PSD3: variants seen among roughly 807,000 people sequenced by gnomAD.
The protein encoded by PSD3 is PH and SEC7 domain-containing protein 3.
In PSD3, 49 loss-of-function variants were observed where a neutral mutation model predicts 105.5. The observed-to-expected ratio is 0.46, with a 90% CI of 0.37 to 0.59. PSD3 has a LOEUF of 0.59. Among genes scored for constraint, PSD3 ranks in the 20% least tolerant of loss-of-function variants. The pLI, the probability that PSD3 is intolerant of heterozygous loss-of-function variation, is 0.00. For synonymous variants in PSD3, 557 were observed against 457.8 expected (o/e 1.22, Z -2.77); for missense variants, 1,561 against 1,263.8 (o/e 1.24, Z -3.57).
chr8:18,958,187 T>C lies in PSD3; in HGVS notation c.22-22045A>G, dbSNP rs533613026. Reference sequence around the variant, plus strand: ...AAAGAATGAGAAAAACCTTGTGTGCTACACTGAAACTACCGCCAAGATATA... The same window carrying C: ...AAAGAATGAGAAAAACCTTGTGTGCCACACTGAAACTACCGCCAAGATATA... On this transcript the variant is annotated intron_variant, in intron 1 of 15. Transcript: ENST00000327040. 1.4e-4 allele frequency among the ~76,000 whole-genome samples: 22 copies of C among 152,326 alleles called. No homozygotes were observed. In the East Asian group the frequency reaches 3.9e-3, roughly 27 times the overall value.
At chr8:19,029,607 A>G (rs186345356) in intron 1 of PSD3, among the ~76,000 whole-genome samples, 236 of 152,288 alleles carry the variant, frequency 1.5e-3, no homozygotes, top group African/African-American at 5.2e-3. Flanking sequence ...AGAACTCAGT[A>G]TCAAGAGAAC....
At chr8:18,974,870 G>GTGCTAATTACACTGC in intron 1 of PSD3, among the ~76,000 whole-genome samples, 1 of 152,022 alleles carries the variant, frequency 6.6e-6, no homozygotes, top group South Asian at 2.1e-4. Context: ...CTGGAGGAAA[G>GTGCTAATTACACTGC]GGTGGACCGC....
At chr8:18,746,083 G>T (rs1804991849) in intron 9 of PSD3, among the ~76,000 whole-genome samples, 2 of 152,216 alleles carry the variant, frequency 1.3e-5, no homozygotes, top group Non-Finnish European at 2.9e-5. Flanking sequence ...AACTGAGAGT[G>T]TCTTCCTGTC....
chr8:18,669,406 T>G (rs889154839), intron 9 of PSD3, among the ~76,000 whole-genome samples: 1 of 152,198 alleles, frequency 6.6e-6, no homozygotes, highest in African/African-American at 2.4e-5. Context: ...TAACAATAAC[T>G]AATAATAAAA....
intron 2 of PSD3, among the ~76,000 whole-genome samples, chr8:18,908,883 A>G (rs1820017692): frequency 1.3e-5 from 2 of 152,318 alleles, no homozygotes; most frequent in South Asian, 4.1e-4. Context: ...TCTAAATATG[A>G]GAATCAAAAC....
intron 9 of PSD3, 143 bp from the exon 10 acceptor site, chr8:18,655,828 A>G (rs1296944768): frequency 4.3e-6 from 3 of 703,584 alleles, no homozygotes; most frequent in Non-Finnish European, 7.3e-6. Flanking sequence ...AAAGGTGAAG[A>G]ATACATGGGG....
intron 9 of PSD3, among the ~76,000 whole-genome samples, chr8:18,670,037 G>A (rs1327214886): frequency 2.6e-5 from 4 of 152,112 alleles, no homozygotes; most frequent in Non-Finnish European, 4.4e-5. Flanking sequence ...AACAGATGAC[G>A]ATAATTCTGT....
chr8:18,560,426 A>C (rs1186801642), intron 14 of PSD3, among the ~76,000 whole-genome samples: 3 of 152,188 alleles, frequency 2.0e-5, no homozygotes, highest in African/African-American at 7.2e-5. Context: ...TACTGTTTTT[A>C]GAAGACAATA....
At chr8:18,882,758 C>T (rs1470857684) in intron 2 of PSD3, among the ~76,000 whole-genome samples, 1 of 151,790 alleles carries the variant, frequency 6.6e-6, no homozygotes, top group Non-Finnish European at 1.5e-5. Context: ...CTTAGTGCTC[C>T]ATACCATATA....
intron 9 of PSD3, among the ~76,000 whole-genome samples, chr8:18,757,850 T>C (rs1273207265): frequency 6.6e-6 from 1 of 152,214 alleles, no homozygotes; most frequent in Non-Finnish European, 1.5e-5. Flanking sequence ...TACTGTTATA[T>C]AGTTATTTCT....
intron 4 of PSD3, among the ~76,000 whole-genome samples, chr8:18,866,893 T>TAC (rs34045400): frequency 0.073 from 10,659 of 146,806 alleles, 672 homozygotes; most frequent in African/African-American, 0.17. Flanking sequence ...CATACATACA[T>TAC]ACACACACAC....
intron 1 of PSD3, among the ~76,000 whole-genome samples, chr8:19,012,371 T>C (rs988868447): frequency 6.6e-6 from 1 of 152,200 alleles, no homozygotes; most frequent in Non-Finnish European, 1.5e-5. Flanking sequence ...CATGACTTTT[T>C]GAAAAGAAAA....
intron 8 of PSD3, among the ~76,000 whole-genome samples, chr8:18,772,029 G>T (rs557531199): frequency 6.6e-6 from 1 of 152,166 alleles, no homozygotes; most frequent in African/African-American, 2.4e-5. Context: ...TGTCCTCAAG[G>T]TTCATCCATG....
intron 15 of PSD3, among the ~76,000 whole-genome samples, chr8:18,541,169 A>C (rs1007972201): frequency 1.1e-4 from 16 of 146,560 alleles, no homozygotes; most frequent in African/African-American, 3.7e-4. Context: ...AAAAAAAAAA[A>C]AAACCTTTTG....
chr8:18,764,444 CTGATTTTTTTTTCATAATTTCT>C (rs1806799031), intron 9 of PSD3, among the ~76,000 whole-genome samples: 1 of 152,082 alleles, frequency 6.6e-6, no homozygotes, highest in Admixed American at 6.6e-5. Context: ...ACTTTTCTTC[CTGATTTTTTTTTCATAATTTCT>C]TGTAATGTGC....
intron 1 of PSD3, among the ~76,000 whole-genome samples, chr8:19,047,064 CG>C (rs1161354771): frequency 4.0e-5 from 6 of 150,588 alleles, no homozygotes; most frequent in Admixed American, 1.3e-4. Flanking sequence ...ACTCCCTCTC[CG>C]GGGCTCGTTG....
At chr8:18,667,847 C>G (rs1799566859) in intron 9 of PSD3, among the ~76,000 whole-genome samples, 1 of 152,224 alleles carries the variant, frequency 6.6e-6, no homozygotes. Context: ...CAGCTGAGGC[C>G]TGGGGAGAAT....
intron 4 of PSD3, among the ~76,000 whole-genome samples, chr8:18,856,867 G>C (rs560237860): frequency 6.6e-6 from 1 of 152,134 alleles, no homozygotes; most frequent in African/African-American, 2.4e-5. Flanking sequence ...ACTGATAATA[G>C]CCAACATTTA....
At chr8:19,049,122 T>A (rs28570320) in intron 1 of PSD3, among the ~76,000 whole-genome samples, 200 of 152,282 alleles carry the variant, frequency 1.3e-3, no homozygotes, top group African/African-American at 4.5e-3. Flanking sequence ...CATTTTACCT[T>A]AATTACCTCC....
Sources: allele counts gnomAD v4.1 joint callset (sites outside exome capture counted in the v4.1 genomes callset), GRCh38; gene constraint gnomAD v4.1.1; transcripts MANE v1.5; gene names NCBI Gene and HGNC (gene_info 2026-07-23, HGNC 2026-07-21).